ITGAM: variants seen among roughly 807,000 people sequenced by gnomAD.
ITGAM encodes the protein integrin subunit alpha M.
ITGAM carries 79 observed loss-of-function variants against 137.5 expected under a neutral mutation model. The ratio of observed to expected loss-of-function variants is 0.57; its 90% confidence interval spans 0.48 to 0.69. The LOEUF (loss-of-function observed/expected upper bound fraction) is 0.69, where lower values mean the gene tolerates loss of function less well. ITGAM is among the 30% of genes least tolerant of loss of function. ITGAM has a pLI of 0.00. For synonymous variants in ITGAM, 583 were observed against 592.3 expected, an observed-to-expected ratio of 0.98 and a Z score of 0.23; for missense variants, 1,343 against 1,483.5, an observed-to-expected ratio of 0.91 and a Z score of 1.56.
At chr16:31,317,299 T>C (rs1462546772) in intron 14 of ITGAM, among the ~76,000 whole-genome samples, 1 of 152,198 alleles carries the variant, frequency 6.6e-6, no homozygotes, top group Non-Finnish European at 1.5e-5. Context: ...GGGTTTTTAA[T>C]CATGAGTGGC....
chr16:31,302,453 TCCTTC>T (rs1376866948), intron 14 of ITGAM, among the ~76,000 whole-genome samples: 1 of 104,228 alleles, frequency 9.6e-6, no homozygotes, highest in African/African-American at 7.3e-5. Context: ...CTTTCTTTCT[TCCTTC>T]CTTTCTTTCT....
chr16:31,301,105 A>T (rs2080193184), intron 14 of ITGAM, among the ~76,000 whole-genome samples: 1 of 152,024 alleles, frequency 6.6e-6, no homozygotes. Context: ...AGGCTTAGTT[A>T]TTTTTGTCGT....
chr16:31,328,830 A>G (rs2080541605), intron 23 of ITGAM, among the ~76,000 whole-genome samples: 1 of 142,494 alleles, frequency 7.0e-6, no homozygotes, highest in Admixed American at 7.0e-5. Context: ...GTGTGTGCGC[A>G]TGGGTGTGTA....
At chr16:31,290,382 A>T (rs142586236) in intron 12 of ITGAM, among the ~76,000 whole-genome samples, 154 of 152,318 alleles carry the variant, frequency 1.0e-3, no homozygotes, top group Non-Finnish European at 2.1e-3. Context: ...TATACTTTAA[A>T]ATGGTAAATT....
intron 14 of ITGAM, among the ~76,000 whole-genome samples, chr16:31,309,623 C>G (rs1294174731): frequency 6.6e-6 from 1 of 152,050 alleles, no homozygotes; most frequent in Non-Finnish European, 1.5e-5. Flanking sequence ...CAGTCTGTGC[C>G]TTTTAATTGG....
At chr16:31,284,256 T>A (rs1476743638) in intron 12 of ITGAM, among the ~76,000 whole-genome samples, 2 of 152,228 alleles carry the variant, frequency 1.3e-5, no homozygotes, top group African/African-American at 4.8e-5. Context: ...TTCAAAGCTG[T>A]CAGACAGGGA....
At chr16:31,304,869 G>T (rs1192364993) in intron 14 of ITGAM, among the ~76,000 whole-genome samples, 1 of 152,102 alleles carries the variant, frequency 6.6e-6, no homozygotes, top group Non-Finnish European at 1.5e-5. Context: ...TAGCCTTGTA[G>T]TATAATTTGA....
chr16:31,276,477 G>T (rs2079907050), intron 9 of ITGAM, among the ~76,000 whole-genome samples, 194 bp from the exon 10 acceptor site: 1 of 151,872 alleles, frequency 6.6e-6, no homozygotes, highest in African/African-American at 2.4e-5. Flanking sequence ...GATTACAGGC[G>T]CATACCACCA....
At chr16:31,277,458 A>G (rs935234835) in intron 11 of ITGAM, among the ~76,000 whole-genome samples, 4 of 151,966 alleles carry the variant, frequency 2.6e-5, no homozygotes, top group South Asian at 4.1e-4. Context: ...TCCCAGGTTC[A>G]AGCGATTCTC....
chr16:31,331,929 C>G lies in ITGAM; in HGVS notation c.*222C>G. Reference sequence around the variant, plus strand: ...TGTGCGTGCATGTGCACTTGCACGCCCATGTGTGAGTGTGTGCAAGTATGT... The same window carrying G: ...TGTGCGTGCATGTGCACTTGCACGCGCATGTGTGAGTGTGTGCAAGTATGT... On this transcript the variant is annotated 3_prime_UTR_variant, in exon 30 of 30. Transcript: ENST00000544665. 1 of 557,774 alleles carries G rather than the reference C, an allele frequency of 1.8e-6. No homozygotes were observed. The allele number at this position is 557,774 out of a possible 1,614,324, so 34.6% of individuals were successfully genotyped here.
intron 25 of ITGAM, 58 bp from the exon 26 acceptor site, chr16:31,330,023 C>G (rs943354061): frequency 1.3e-6 from 2 of 1,565,964 alleles, no homozygotes; most frequent in East Asian, 2.3e-5. Context: ...TCTCACCTCC[C>G]GAGATGAGGC....
At chr16:31,281,270 A>G (rs1361087151) in intron 12 of ITGAM, among the ~76,000 whole-genome samples, 1 of 152,016 alleles carries the variant, frequency 6.6e-6, no homozygotes. Flanking sequence ...TTTTCTATTG[A>G]CTGGAATAGT....
At chr16:31,331,351 C>G in intron 29 of ITGAM, 76 bp downstream of exon 29, 1 of 885,578 alleles carries the variant, frequency 1.1e-6, no homozygotes, top group East Asian at 2.5e-5. Context: ...CTCGGTTTCC[C>G]CGGCGGGGCT....
At chr16:31,264,648 A>C (rs12449089) in intron 2 of ITGAM, among the ~76,000 whole-genome samples, 71,942 of 147,840 alleles carry the variant, frequency 0.49, 17,920 homozygotes, top group East Asian at 0.71. Flanking sequence ...TGTCTCAAAG[A>C]AAAAAAAAAA....
chr16:31,290,613 A>G (rs2080077894), intron 12 of ITGAM, among the ~76,000 whole-genome samples: 1 of 152,214 alleles, frequency 6.6e-6, no homozygotes, highest in Non-Finnish European at 1.5e-5. Flanking sequence ...TTTACAAAAA[A>G]TCTCTACCAG....
In ITGAM at chr16:31,265,247, T is replaced by C. The variant is rs374521571; in HGVS notation, c.135-148T>C. 8.1e-6 allele frequency: 4 copies of C among 491,128 alleles called. No homozygotes were observed. In the East Asian group the frequency reaches 1.1e-4, roughly 13 times the overall value. The allele number at this position is 491,128 out of a possible 1,614,324, so 30.4% of individuals were successfully genotyped here. The stretch of plus-strand genomic sequence containing the variant: ...TTCTGAGTCTTAACATTTTCCCATT[T>C]TTTTCTTTGCTAATTCTTCCTCCTA... On this transcript the variant is annotated intron_variant, in intron 2 of 29. Coordinates refer to ENST00000544665, the MANE Select transcript of ITGAM (RefSeq NM_000632.4).
intron 14 of ITGAM, among the ~76,000 whole-genome samples, chr16:31,308,279 G>A (rs1342377634): frequency 6.6e-6 from 1 of 152,064 alleles, no homozygotes; most frequent in Non-Finnish European, 1.5e-5. Flanking sequence ...ATCTGGTCCT[G>A]GACTTTTTTT....
At chr16:31,309,540 G>A (rs1227957676) in intron 14 of ITGAM, among the ~76,000 whole-genome samples, 3 of 151,146 alleles carry the variant, frequency 2.0e-5, no homozygotes, top group East Asian at 1.9e-4. Context: ...TTGAGCCTAT[G>A]TGTGTCTCTG....
In ITGAM at chr16:31,283,413, C is replaced by A. The variant is rs557627788; in HGVS notation, c.1356+5304C>A. ...TCCCATATTTCTTGGAGGCTTTGTTCATTTCTTTTTACTCTTTTTTTCTCT... is the reference window on the plus strand; with the variant it reads ...TCCCATATTTCTTGGAGGCTTTGTTAATTTCTTTTTACTCTTTTTTTCTCT... On this transcript the variant is annotated intron_variant, in intron 12 of 29. Transcript: ENST00000544665. 2.0e-5 allele frequency among the ~76,000 whole-genome samples: 3 copies of A among 152,130 alleles called. No homozygotes were observed. The South Asian group carries it at 6.2e-4, about 32-fold the overall frequency.
Sources: allele counts gnomAD v4.1 joint callset (sites outside exome capture counted in the v4.1 genomes callset), GRCh38; gene constraint gnomAD v4.1.1; transcripts MANE v1.5; gene names NCBI Gene and HGNC (gene_info 2026-07-23, HGNC 2026-07-21).